The following GALNTL6 variants were observed in gnomAD, a reference collection of about 807,000 sequenced individuals.
GALNTL6 encodes the protein polypeptide N-acetylgalactosaminyltransferase-like 6.
GALNTL6 carries 46 observed loss-of-function variants against 73.7 expected under a neutral mutation model. The ratio of observed to expected loss-of-function variants is 0.62; its 90% CI spans 0.49 to 0.80. The LOEUF is 0.80. GALNTL6 is among the 30% of genes least tolerant of loss of function. The pLI is 0.00. For missense variants in GALNTL6, 604 were observed against 755.0 expected (o/e 0.80, Z 2.34); for synonymous variants, 259 against 263.7 (o/e 0.98, Z 0.17).
At chr4:172,459,481 A>C (rs1732531569) in intron 5 of GALNTL6, among the ~76,000 whole-genome samples, 1 of 152,240 alleles carries the variant, frequency 6.6e-6, no homozygotes, top group African/African-American at 2.4e-5. Flanking sequence ...TCTCAGCCCA[A>C]AATCTTCTTA....
At chr4:172,129,496 C>A (rs1329615921) in intron 2 of GALNTL6, among the ~76,000 whole-genome samples, 19 of 151,924 alleles carry the variant, frequency 1.3e-4, no homozygotes, top group Admixed American at 1.2e-3. Context: ...AAGATCATGC[C>A]CACCATTTAA....
In GALNTL6 at chr4:172,429,195, A is replaced by ATTTTATTTTATTTTATTTTATTTTATT. The variant is rs55787801; in HGVS notation, c.553+80508_553+80509insTTATTTTATTTTATTTTATTTTATTTT. The stretch of plus-strand genomic sequence containing the variant: ...GTTTTATTATTTTATTTTATTTTAT[A>ATTTTATTTTATTTTATTTTATTTTATT]TTATTTTATTTTATTTTATTTTATT... On this transcript the variant is annotated intron_variant, in intron 5 of 12. Transcript: ENST00000506823. Among the ~76,000 whole-genome samples the ATTTTATTTTATTTTATTTTATTTTATT allele has an allele frequency of 1.8e-3, 235 of 133,778 alleles. 15 individuals carry two copies. Among genetic ancestry groups the ATTTTATTTTATTTTATTTTATTTTATT allele is most frequent in the South Asian group, 0.012 (48 of 4,100 alleles). The allele number at this position is 133,778 out of a possible 152,430, so 87.8% of individuals were successfully genotyped here.
chr4:172,072,469 C>G (rs969200400), intron 2 of GALNTL6, among the ~76,000 whole-genome samples: 1 of 151,996 alleles, frequency 6.6e-6, no homozygotes, highest in African/African-American at 2.4e-5. Flanking sequence ...AATAACGCCT[C>G]ACCTTGAACT....
intron 5 of GALNTL6, among the ~76,000 whole-genome samples, chr4:172,599,707 C>T (rs1737985498): frequency 6.6e-6 from 1 of 152,092 alleles, no homozygotes; most frequent in South Asian, 2.1e-4. Context: ...TGCTGGTGTG[C>T]TACGTCTGAG....
At chr4:172,633,574 T>C (rs748839838) in intron 5 of GALNTL6, among the ~76,000 whole-genome samples, 50 of 152,298 alleles carry the variant, frequency 3.3e-4, no homozygotes, top group Non-Finnish European at 6.8e-4. Context: ...TTGCCTTGTC[T>C]CAGATAAGAC....
At chr4:172,153,838 A>G (rs922198373) in intron 2 of GALNTL6, among the ~76,000 whole-genome samples, 3 of 152,196 alleles carry the variant, frequency 2.0e-5, no homozygotes, top group African/African-American at 7.2e-5. Context: ...ATTAAACCTA[A>G]TCATCAAACA....
intron 5 of GALNTL6, among the ~76,000 whole-genome samples, chr4:172,735,899 G>A (rs565945052): frequency 3.3e-5 from 5 of 152,196 alleles, no homozygotes; most frequent in African/African-American, 7.2e-5. Context: ...ATCACATGTC[G>A]GCAGGTTCCG....
At chr4:171,979,222 A>G (rs1458283892) in intron 2 of GALNTL6, among the ~76,000 whole-genome samples, 1 of 152,192 alleles carries the variant, frequency 6.6e-6, no homozygotes, top group African/African-American at 2.4e-5. Context: ...GTGTTTTTTA[A>G]TCATCATTAA....
intron 5 of GALNTL6, among the ~76,000 whole-genome samples, chr4:172,560,625 T>G (rs1279290951): frequency 6.6e-6 from 1 of 152,270 alleles, no homozygotes; most frequent in Non-Finnish European, 1.5e-5. Flanking sequence ...ATTCTTATAC[T>G]TGACATTCCT....
intron 5 of GALNTL6, among the ~76,000 whole-genome samples, chr4:172,459,226 A>G (rs763802929): frequency 2.6e-5 from 4 of 152,166 alleles, no homozygotes; most frequent in Non-Finnish European, 5.9e-5. Flanking sequence ...AAATAATAAG[A>G]GCTATTTATG....
intron 2 of GALNTL6, among the ~76,000 whole-genome samples, chr4:172,180,912 G>A (rs997271734): frequency 1.3e-5 from 2 of 152,110 alleles, no homozygotes; most frequent in Admixed American, 1.3e-4. Context: ...TTTTTGCTTA[G>A]GATTGTCTGG....
Position 172,952,226 on chromosome 4 carries a change from C to A in GALNTL6, c.1339C>A (p.Pro447Thr). ...CTGGGACGTGCCTAAATACTACCCT[C>A]CAGTGGAGCCCCCGCCTGCTGCCTG... ...VAWDVPKYYP[P>T]VEPPPAAWGE... Residue 447 changes from proline (P) to threonine (T), a missense_variant, in exon 10 of 13, where the codon CCA (proline) becomes ACA (threonine). Pro to Thr is a conservative substitution (Grantham distance 38). Transcript: ENST00000506823. 6.2e-7 allele frequency: 1 copy of A among 1,614,020 alleles called. No individual in the cohort carries two copies. The highest frequency in any genetic ancestry group is 1.3e-5 in the African/African-American group (1 of 75,004).
chr4:172,641,565 C>T (rs896097772), intron 5 of GALNTL6, among the ~76,000 whole-genome samples: 1 of 152,032 alleles, frequency 6.6e-6, no homozygotes, highest in African/African-American at 2.4e-5. Context: ...CGCTCCTTCA[C>T]CTTCTTCAAG....
chr4:172,608,312 TAAAAG>T (rs1324005114), intron 5 of GALNTL6, among the ~76,000 whole-genome samples: 2 of 152,132 alleles, frequency 1.3e-5, no homozygotes, highest in Non-Finnish European at 2.9e-5. Flanking sequence ...TTTTATATGG[TAAAAG>T]AAAAGGGTCA....
intron 4 of GALNTL6, among the ~76,000 whole-genome samples, chr4:172,325,745 C>G (rs1177554737): frequency 1.3e-5 from 2 of 151,530 alleles, no homozygotes; most frequent in African/African-American, 4.8e-5. Context: ...TTTCCTAGAA[C>G]AATCACTAAA....
chr4:173,021,137 T>C (rs990701915), intron 11 of GALNTL6, among the ~76,000 whole-genome samples: 4 of 152,072 alleles, frequency 2.6e-5, no homozygotes, highest in African/African-American at 9.7e-5. Context: ...CCCTCTGTCT[T>C]TCCTCCCTCT....
intron 2 of GALNTL6, among the ~76,000 whole-genome samples, chr4:171,867,861 A>G (rs139650545): frequency 7.9e-4 from 120 of 152,268 alleles, no homozygotes; most frequent in Non-Finnish European, 1.4e-3. Flanking sequence ...TGCTTTATTC[A>G]TACTAACATT....
At chr4:172,397,009 G>A (rs1743872850) in intron 5 of GALNTL6, among the ~76,000 whole-genome samples, 1 of 151,994 alleles carries the variant, frequency 6.6e-6, no homozygotes, top group Non-Finnish European at 1.5e-5. Context: ...ATCTTACAAT[G>A]ACTAACAAAA....
chr4:172,528,952 CATAT>C lies in GALNTL6; in HGVS notation c.553+180272_553+180275del, dbSNP rs765904258. On this transcript the variant is annotated intron_variant, in intron 5 of 12. Transcript: ENST00000506823. ...TTCAGAGACTTTGTTTTCCCAAAGG[CATAT>C]ATATATATGTGTGTGTATATTTATA... Among the ~76,000 whole-genome samples the C allele has an allele frequency of 3.0e-4, 7 of 23,316 alleles. No homozygotes were observed. In the Admixed American group the frequency reaches 4.3e-3, roughly 14 times the overall value. The allele number at this position is 23,316 out of a possible 152,430, so 15.3% of individuals were successfully genotyped here. A position where few individuals can be genotyped will look rare whatever the true frequency, so the allele number is the denominator to read the frequency against.
Sources: gnomAD v4.1 joint callset for allele counts (sites outside exome capture counted in the v4.1 genomes callset) on GRCh38, gnomAD v4.1.1 for gene constraint, MANE v1.5 for transcripts, NCBI Gene and HGNC (gene_info 2026-07-23, HGNC 2026-07-21) for gene names.